Variants in GOSR2 observed in about 807,000 individuals in gnomAD.
GOSR2 encodes the protein 27 kDa Golgi SNARE protein.
In GOSR2, 20 loss-of-function variants were observed where a neutral mutation model predicts 27.9. That is an observed-to-expected ratio of 0.72 (90% CI 0.50 to 1.04). The LOEUF (loss-of-function observed/expected upper bound fraction) is 1.04. Among genes scored for constraint, GOSR2 ranks in the 50% least tolerant of loss-of-function variants. The pLI is 0.00. For synonymous variants in GOSR2, 91 were observed against 98.8 expected, an observed-to-expected ratio of 0.92 and a Z score of 0.47; for missense variants, 261 against 270.5, an observed-to-expected ratio of 0.97 and a Z score of 0.25.
At chr17:46,936,914 G>A in intron 5 of GOSR2, 10 of 598,524 alleles carry the variant, frequency 1.7e-5, no homozygotes, top group Non-Finnish European at 2.1e-5. Context: ...GATGCCTAAT[G>A]TTGATCTCAC....
intron 6 of GOSR2, among the ~76,000 whole-genome samples, chr17:46,962,005 G>A (rs1263997138): frequency 6.6e-6 from 1 of 152,084 alleles, no homozygotes; most frequent in Non-Finnish European, 1.5e-5. Context: ...CTAAAATGAG[G>A]ATAAGGGAGT....
At chr17:46,930,596 C>T (rs1199316576) in intron 2 of GOSR2, 4 of 155,888 alleles carry the variant, frequency 2.6e-5, no homozygotes, top group African/African-American at 7.3e-5. Flanking sequence ...GGAAGAAAGC[C>T]TTAAGGGAAC....
intron 1 of GOSR2, 67 bp downstream of exon 1, chr17:46,923,288 G>A (rs2085971029): frequency 1.3e-6 from 2 of 1,549,326 alleles, no homozygotes; most frequent in East Asian, 2.4e-5. Context: ...GGCTTCTGGG[G>A]CTGAGGCCTC....
At chr17:46,966,246 ATGTAAT>A (rs1425062092) in intron 6 of GOSR2, among the ~76,000 whole-genome samples, 1 of 152,242 alleles carries the variant, frequency 6.6e-6, no homozygotes, top group Non-Finnish European at 1.5e-5. Context: ...CATTTAAAAA[ATGTAAT>A]TGAGAGTATG....
At chr17:46,925,695 C>T (rs1028078487) in intron 1 of GOSR2, among the ~76,000 whole-genome samples, 3 of 152,184 alleles carry the variant, frequency 2.0e-5, no homozygotes, top group Non-Finnish European at 4.4e-5. Context: ...GCTGAGTTGA[C>T]ACAACAGTAG....
intron 6 of GOSR2, among the ~76,000 whole-genome samples, chr17:46,974,640 A>G (rs2091428146): frequency 6.6e-6 from 1 of 152,038 alleles, no homozygotes; most frequent in African/African-American, 2.4e-5. Context: ...AGGCTGAGGC[A>G]GGAGGATGGC....
At position 46,940,146 on chromosome 17, in the gene GOSR2, T is replaced by C. The variant is rs1346152382; in HGVS notation, c.*1386T>C. 6.1e-6 allele frequency: 8 copies of C among 1,305,318 alleles called. No individual in the cohort carries two copies. Among genetic ancestry groups the C allele is most frequent in the Non-Finnish European group, 7.8e-6 (8 of 1,021,912 alleles). 80.9% of individuals were successfully genotyped at this position (1,305,318 alleles called of 1,614,324 possible). The stretch of plus-strand genomic sequence containing the variant: ...TCTTGTTCCCCTCCCCGCTGCTCTG[T>C]AGTCATGTTGGTCCTTTCAGGCACC... On this transcript the variant is annotated 3_prime_UTR_variant, in exon 6 of 6. Transcript: ENST00000640051.
chr17:46,923,546 T>C, intron 1 of GOSR2: 1 of 1,326,432 alleles, frequency 7.5e-7, no homozygotes, highest in South Asian at 2.4e-5. Flanking sequence ...AACTCGGTGC[T>C]CCTGGTTGGT....
intron 6 of GOSR2, among the ~76,000 whole-genome samples, chr17:46,959,267 C>A (rs983173628): frequency 6.6e-6 from 1 of 152,210 alleles, no homozygotes; most frequent in Non-Finnish European, 1.5e-5. Flanking sequence ...CTCCAATTTA[C>A]AAACATTTTT....
chr17:46,928,128 G>T (rs925999504), intron 1 of GOSR2, among the ~76,000 whole-genome samples: 2 of 152,044 alleles, frequency 1.3e-5, no homozygotes, highest in Non-Finnish European at 2.9e-5. Flanking sequence ...GGAAGCAACG[G>T]CCTGGTCTCG....
intron 6 of GOSR2, among the ~76,000 whole-genome samples, chr17:46,965,794 T>C (rs2091290293): frequency 1.3e-5 from 2 of 149,648 alleles, no homozygotes; most frequent in Admixed American, 6.8e-5. Flanking sequence ...AGCTAATTTT[T>C]GTATTTTTTT....
At chr17:46,943,100 G>A (rs1231858242), downstream of GOSR2, among the ~76,000 whole-genome samples, 1 of 152,186 alleles carries the variant, frequency 6.6e-6, no homozygotes. Flanking sequence ...AATGCCCAGG[G>A]GTAGGGAGCC....
intron 2 of GOSR2, chr17:46,930,852 A>G: frequency 2.2e-6 from 1 of 454,208 alleles, no homozygotes; most frequent in Non-Finnish European, 3.9e-6. Flanking sequence ...CTACAGATTT[A>G]CCTTCAGCTT....
intron 6 of GOSR2, among the ~76,000 whole-genome samples, chr17:46,965,287 A>T (rs1420890309): frequency 6.6e-6 from 1 of 152,066 alleles, no homozygotes; most frequent in African/African-American, 2.4e-5. Context: ...GGTACAAATG[A>T]TTTCTCCTTT....
downstream of GOSR2, among the ~76,000 whole-genome samples, chr17:46,945,348 G>A (rs1280182019): frequency 6.6e-6 from 1 of 152,182 alleles, no homozygotes; most frequent in Non-Finnish European, 1.5e-5. Flanking sequence ...TGTCAGGCTG[G>A]TGTGGGTGTG....
At chr17:46,974,987 CTTT>C (rs58438726) in intron 6 of GOSR2, among the ~76,000 whole-genome samples, 13 of 119,058 alleles carry the variant, frequency 1.1e-4, no homozygotes, top group Admixed American at 9.8e-4. Context: ...TTACTATTTT[CTTT>C]TTTTTTTTTT....
intron 1 of GOSR2, 184 bp downstream of exon 1, chr17:46,923,405 G>A: frequency 6.9e-7 from 1 of 1,447,264 alleles, no homozygotes; most frequent in Non-Finnish European, 9.1e-7. Context: ...ACAGACAGTG[G>A]GTTCAGGCTG....
At chr17:46,955,871 A>T (rs1638711711) in intron 6 of GOSR2, among the ~76,000 whole-genome samples, 1 of 151,756 alleles carries the variant, frequency 6.6e-6, no homozygotes, top group African/African-American at 2.4e-5. Flanking sequence ...CTACCAACTG[A>T]CTCTCCTGAA....
chr17:46,974,748 A>AAGG (rs56733352), intron 6 of GOSR2, among the ~76,000 whole-genome samples: 61,275 of 147,050 alleles, frequency 0.42, 13,672 homozygotes, highest in East Asian at 0.54. Flanking sequence ...AAAAAAAAAA[A>AAGG]AGGTCATCTC....
Sources: gnomAD v4.1 joint callset for allele counts (sites outside exome capture counted in the v4.1 genomes callset) on GRCh38, gnomAD v4.1.1 for gene constraint, MANE v1.5 for transcripts, NCBI Gene and HGNC (gene_info 2026-07-23, HGNC 2026-07-21) for gene names.